Variants in CNTN6 observed in about 807,000 individuals in gnomAD.
CNTN6 encodes contactin 6, also known as contactin-6.
In CNTN6, 137 loss-of-function variants were observed where a neutral mutation model predicts 122.8. That is an observed-to-expected ratio of 1.12 (90% CI 0.97 to 1.29). The LOEUF (loss-of-function observed/expected upper bound fraction) is 1.29. Among genes scored for constraint, CNTN6 ranks in the 50% most tolerant of loss-of-function variants. The probability of loss-of-function intolerance (pLI) is 0.00; values close to 1 mark genes in which losing one functional copy is unlikely to be tolerated. For missense variants in CNTN6, 1,634 were observed against 1,223.4 expected (o/e 1.34, Z -5.01); for synonymous variants, 570 against 426.0 (o/e 1.34, Z -4.16).
At chr3:1,263,498 G>C (rs1046342044) in intron 4 of CNTN6, among the ~76,000 whole-genome samples, 1 of 152,040 alleles carries the variant, frequency 6.6e-6, no homozygotes, top group African/African-American at 2.4e-5. Context: ...GAGTTCATTC[G>C]GGGCCGTTTT....
chr3:1,142,540 A>G (rs2092631864), intron 1 of CNTN6, among the ~76,000 whole-genome samples: 1 of 152,162 alleles, frequency 6.6e-6, no homozygotes, highest in Non-Finnish European at 1.5e-5. Context: ...ACAGCCAAAT[A>G]TATTTTAGAG....
At chr3:1,368,032 G>A (rs956290396) in intron 12 of CNTN6, among the ~76,000 whole-genome samples, 3 of 152,124 alleles carry the variant, frequency 2.0e-5, no homozygotes, top group Non-Finnish European at 4.4e-5. Flanking sequence ...GCAAAAGGAA[G>A]GCATACACAT....
intron 6 of CNTN6, 128 bp downstream of exon 6, chr3:1,295,932 A>G (rs41293393): frequency 1.4e-6 from 1 of 731,158 alleles, no homozygotes; most frequent in Admixed American, 2.7e-5. Context: ...CAATTCACAA[A>G]TATGTAAACC....
At chr3:1,307,337 G>C (rs983458492) in intron 7 of CNTN6, among the ~76,000 whole-genome samples, 3 of 152,070 alleles carry the variant, frequency 2.0e-5, no homozygotes. Flanking sequence ...AGGGTTTCTT[G>C]TATTTCTGAG....
intron 2 of CNTN6, among the ~76,000 whole-genome samples, chr3:1,200,507 CT>C (rs916091065): frequency 6.6e-5 from 10 of 152,226 alleles, no homozygotes; most frequent in African/African-American, 2.4e-4. Context: ...GCATTTGGAC[CT>C]TTTGGGGTCT....
At chr3:1,161,459 T>C (rs1272369539) in intron 2 of CNTN6, among the ~76,000 whole-genome samples, 1 of 151,154 alleles carries the variant, frequency 6.6e-6, no homozygotes, top group Non-Finnish European at 1.5e-5. Flanking sequence ...TATGATATTA[T>C]ATATTTTATT....
At chr3:1,371,860 A>G (rs1021069356) in intron 12 of CNTN6, among the ~76,000 whole-genome samples, 3 of 152,174 alleles carry the variant, frequency 2.0e-5, no homozygotes, top group African/African-American at 4.8e-5. Flanking sequence ...GTATGTCTAA[A>G]TCTCTATAGA....
Position 1,164,537 on chromosome 3 carries a change from G to A in CNTN6, c.55+16474G>A, listed in dbSNP as rs55899723. Among the ~76,000 whole-genome samples, 935 of 152,336 alleles carry A rather than the reference G, an allele frequency of 6.1e-3. 15 individuals are homozygous for A. Among genetic ancestry groups the A allele is most frequent in the African/African-American group, 0.022 (904 of 41,580 alleles). On this transcript the variant is annotated intron_variant, in intron 2 of 22. Transcript: ENST00000446702. ...AATTTGTCATACATGACAGGGGAAT[G>A]ATATCCAAATCACTATACTTTGGTT... is the stretch of plus-strand genomic sequence containing the variant.
intron 2 of CNTN6, among the ~76,000 whole-genome samples, chr3:1,172,618 C>CTGTG (rs1352659428): frequency 2.7e-5 from 2 of 74,980 alleles, no homozygotes; most frequent in East Asian, 6.8e-4. Context: ...TGCAATAACT[C>CTGTG]TCTGTGTGTG....
chr3:1,389,031 G>C (rs2126213389), intron 20 of CNTN6, among the ~76,000 whole-genome samples: 1 of 146,300 alleles, frequency 6.8e-6, no homozygotes, highest in East Asian at 2.0e-4. Context: ...TAGCAAGGCA[G>C]GCCAACATTC....
At chr3:1,247,053 G>T (rs1321397594) in intron 4 of CNTN6, among the ~76,000 whole-genome samples, 2 of 151,858 alleles carry the variant, frequency 1.3e-5, no homozygotes, top group African/African-American at 4.8e-5. Flanking sequence ...TTCTTTTTGA[G>T]ATGTTTTTTG....
chr3:1,293,255 T>A (rs1308890267), intron 5 of CNTN6, among the ~76,000 whole-genome samples: 1 of 152,130 alleles, frequency 6.6e-6, no homozygotes, highest in Non-Finnish European at 1.5e-5. Context: ...ATTTTCTTTC[T>A]CCTTTTTTCC....
chr3:1,127,356 A>G (rs2092200435), intron 1 of CNTN6, among the ~76,000 whole-genome samples: 1 of 151,932 alleles, frequency 6.6e-6, no homozygotes, highest in African/African-American at 2.4e-5. Context: ...TAAATATTTA[A>G]TAAGTTTGAT....
chr3:1,101,740 T>C (rs9878022), intron 1 of CNTN6, among the ~76,000 whole-genome samples: 6 of 152,126 alleles, frequency 3.9e-5, no homozygotes, highest in African/African-American at 1.4e-4. Flanking sequence ...AAAGTGCTTG[T>C]TTTAGTCCAA....
At chr3:1,267,609 G>A (rs1344709251) in intron 4 of CNTN6, among the ~76,000 whole-genome samples, 35 of 152,292 alleles carry the variant, frequency 2.3e-4, no homozygotes, top group African/African-American at 8.2e-4. Context: ...AAATTGGAAT[G>A]CTGATATCCA....
chr3:1,373,264 G>C (rs1180659441), intron 14 of CNTN6, among the ~76,000 whole-genome samples: 1 of 152,032 alleles, frequency 6.6e-6, no homozygotes, highest in Non-Finnish European at 1.5e-5. Flanking sequence ...TCAATCCAGA[G>C]TCAAATCCAC....
At chr3:1,269,635 G>T (rs894696842) in intron 4 of CNTN6, among the ~76,000 whole-genome samples, 3 of 152,058 alleles carry the variant, frequency 2.0e-5, no homozygotes, top group Non-Finnish European at 2.9e-5. Flanking sequence ...ATCAAATCCA[G>T]TCTGACATGT....
At chr3:1,188,131 C>A (rs1433508935) in intron 2 of CNTN6, among the ~76,000 whole-genome samples, 2 of 152,104 alleles carry the variant, frequency 1.3e-5, no homozygotes, top group African/African-American at 2.4e-5. Context: ...AATAGTCAAG[C>A]AATGCTTAAT....
At chr3:1,177,690 A>G (rs1029092626) in intron 2 of CNTN6, among the ~76,000 whole-genome samples, 10 of 152,052 alleles carry the variant, frequency 6.6e-5, no homozygotes, top group Admixed American at 5.9e-4. Flanking sequence ...TTTTTCTTTC[A>G]GCACTTTAAA....
Sources: allele counts gnomAD v4.1 joint callset (sites outside exome capture counted in the v4.1 genomes callset), GRCh38; gene constraint gnomAD v4.1.1; transcripts MANE v1.5; gene names NCBI Gene and HGNC (gene_info 2026-07-23, HGNC 2026-07-21).